Variants in CNTN5 observed in about 807,000 individuals in gnomAD.
CNTN5 encodes the protein contactin 5, also known as contactin-5.
CNTN5 carries 77 observed loss-of-function variants against 129.1 expected under a neutral mutation model. The observed-to-expected ratio is 0.60, with a 90% confidence interval of 0.50 to 0.72. The LOEUF is 0.72. Among genes scored for constraint, CNTN5 ranks in the 30% least tolerant of loss-of-function variants. The probability of loss-of-function intolerance (pLI) is 0.00; values close to 1 mark genes in which losing one functional copy is unlikely to be tolerated. For missense variants in CNTN5, 1,478 were observed against 1,328.8 expected, an observed-to-expected ratio of 1.11 and a Z score of -1.75; for synonymous variants, 509 against 465.6, an observed-to-expected ratio of 1.09 and a Z score of -1.20.
intron 1 of CNTN5, among the ~76,000 whole-genome samples, chr11:99,211,815 C>A (rs927281232): frequency 2.6e-5 from 4 of 151,948 alleles, no homozygotes; most frequent in African/African-American, 9.7e-5. Context: ...TGATCATATT[C>A]CAGGAAAGAC....
At chr11:99,906,108 C>T (rs1327160036) in intron 6 of CNTN5, among the ~76,000 whole-genome samples, 2 of 152,252 alleles carry the variant, frequency 1.3e-5, no homozygotes, top group Middle Eastern at 6.8e-3. Context: ...TCCTCTCTGC[C>T]TATTCGAATG....
chr11:99,923,311 C>A (rs1949981015), intron 7 of CNTN5, among the ~76,000 whole-genome samples: 1 of 152,038 alleles, frequency 6.6e-6, no homozygotes, highest in South Asian at 2.1e-4. Context: ...ACACCTAGCC[C>A]AAATGAGTTT....
At chr11:99,571,143 A>G (rs1477770544) in intron 3 of CNTN5, among the ~76,000 whole-genome samples, 1 of 152,214 alleles carries the variant, frequency 6.6e-6, no homozygotes, top group East Asian at 1.9e-4. Context: ...ATGGAAAACC[A>G]ACTGTCCAGC....
chr11:99,468,673 T>C (rs1279227891), intron 2 of CNTN5, among the ~76,000 whole-genome samples: 1 of 152,132 alleles, frequency 6.6e-6, no homozygotes, highest in East Asian at 1.9e-4. Context: ...TTTTGGAATT[T>C]TCATGGATGT....
intron 17 of CNTN5, among the ~76,000 whole-genome samples, chr11:100,270,736 C>T (rs1022642385): frequency 6.6e-6 from 1 of 152,144 alleles, no homozygotes; most frequent in Admixed American, 6.5e-5. Context: ...GCAAACTGCT[C>T]AAGAAATTTC....
chr11:100,018,644 T>C (rs1940958350), intron 9 of CNTN5, among the ~76,000 whole-genome samples: 1 of 151,972 alleles, frequency 6.6e-6, no homozygotes, highest in Admixed American at 6.6e-5. Context: ...TTAGAAGTCT[T>C]TATATGCACA....
chr11:99,800,000 T>C (rs1946064467), intron 3 of CNTN5, among the ~76,000 whole-genome samples: 1 of 152,120 alleles, frequency 6.6e-6, no homozygotes, highest in African/African-American at 2.4e-5. Flanking sequence ...CAGGAATTTA[T>C]GCATTCCCTC....
At chr11:100,118,965 C>T (rs1042914379) in intron 13 of CNTN5, among the ~76,000 whole-genome samples, 25 of 151,678 alleles carry the variant, frequency 1.6e-4, no homozygotes, top group African/African-American at 5.1e-4. Flanking sequence ...TAAATTTCTA[C>T]GTCATAAGCC....
At chr11:100,097,458 A>G (rs962067357) in intron 13 of CNTN5, among the ~76,000 whole-genome samples, 1 of 152,148 alleles carries the variant, frequency 6.6e-6, no homozygotes, top group Non-Finnish European at 1.5e-5. Flanking sequence ...ACAGAGTGTC[A>G]TTGTGTCTAT....
chr11:99,358,255 A>ATTTTTTTTTTT (rs1186386021), intron 2 of CNTN5, among the ~76,000 whole-genome samples: 7,385 of 46,568 alleles, frequency 0.16, 1,763 homozygotes, highest in Non-Finnish European at 0.23. Context: ...CGCCCTGCTG[A>ATTTTTTTTTTT]TTTTTTTTTT....
intron 1 of CNTN5, among the ~76,000 whole-genome samples, chr11:99,226,230 T>A (rs1464840590): frequency 6.6e-6 from 1 of 152,170 alleles, no homozygotes; most frequent in Non-Finnish European, 1.5e-5. Context: ...TAGTCTTAAA[T>A]GTGAAATGTA....
At chr11:99,884,830 A>G (rs1324880491) in intron 6 of CNTN5, among the ~76,000 whole-genome samples, 1 of 152,160 alleles carries the variant, frequency 6.6e-6, no homozygotes, top group Non-Finnish European at 1.5e-5. Flanking sequence ...TACAGAAATT[A>G]GCTGGGTGTG....
At chr11:99,187,756 C>T (rs1300919882) in intron 1 of CNTN5, among the ~76,000 whole-genome samples, 1 of 151,672 alleles carries the variant, frequency 6.6e-6, no homozygotes, top group Non-Finnish European at 1.5e-5. Flanking sequence ...TATCACTATG[C>T]TAATATTTAA....
intron 1 of CNTN5, among the ~76,000 whole-genome samples, chr11:99,180,510 T>C (rs1857997046): frequency 6.6e-6 from 1 of 152,162 alleles, no homozygotes; most frequent in Non-Finnish European, 1.5e-5. Context: ...GTTTTTGTGA[T>C]TGTCTATTGT....
rs139973579 is a variant in CNTN5, at chr11:99,381,911, T to G, written c.-71+56427T>G. Among the ~76,000 whole-genome samples the G allele has an allele frequency of 2.0e-3, 309 of 152,234 alleles. 2 individuals carry two copies. The highest frequency in any genetic ancestry group is 6.8e-3 in the Middle Eastern group (2 of 294). The stretch of plus-strand genomic sequence containing the variant: ...CCTGGGTAATGGTGGCTGCTGTAGC[T>G]TGAAAGTGATCCACCCATCTTCATC... On this transcript the variant is annotated intron_variant, in intron 2 of 24. Transcript: ENST00000524871.
intron 2 of CNTN5, among the ~76,000 whole-genome samples, chr11:99,375,599 GATTTACAAAATTACAA>G (rs1251218062): frequency 5.3e-5 from 8 of 152,084 alleles, no homozygotes; most frequent in Non-Finnish European, 8.8e-5. Flanking sequence ...ATACAACAGT[GATTTACAAAATTACAA>G]ATTTACAAAA....
At chr11:99,920,695 T>C (rs1263017460) in intron 7 of CNTN5, among the ~76,000 whole-genome samples, 2 of 152,206 alleles carry the variant, frequency 1.3e-5, no homozygotes, top group African/African-American at 2.4e-5. Flanking sequence ...AACTTCTTGC[T>C]GTGTACTCAC....
intron 17 of CNTN5, among the ~76,000 whole-genome samples, chr11:100,270,451 C>G (rs919254556): frequency 2.6e-5 from 4 of 152,180 alleles, no homozygotes; most frequent in African/African-American, 9.6e-5. Flanking sequence ...ATTTCCTAGA[C>G]AGCAGAGATG....
chr11:100,058,212 C>A (rs139894609), intron 9 of CNTN5, among the ~76,000 whole-genome samples: 87 of 152,136 alleles, frequency 5.7e-4, no homozygotes, highest in African/African-American at 2.0e-3. Flanking sequence ...TTAAACAATA[C>A]AATCAAGGAA....
Sources: allele counts gnomAD v4.1 joint callset (sites outside exome capture counted in the v4.1 genomes callset), GRCh38; gene constraint gnomAD v4.1.1; transcripts MANE v1.5; gene names NCBI Gene and HGNC (gene_info 2026-07-23, HGNC 2026-07-21).